Variants in AKIRIN1 observed in about 807,000 individuals in gnomAD.
AKIRIN1 encodes akirin 1.
AKIRIN1 carries 4 observed loss-of-function variants against 25.9 expected under a neutral mutation model. The observed-to-expected ratio is 0.15, with a 90% confidence interval of 0.08 to 0.35. AKIRIN1 has a LOEUF of 0.35. Ranked by LOEUF, AKIRIN1 falls within the 10% of genes least tolerant of loss-of-function variation. AKIRIN1 has a pLI of 1.00. For synonymous variants in AKIRIN1, 125 were observed against 105.1 expected (o/e 1.19, Z -1.16); for missense variants, 243 against 266.1 (o/e 0.91, Z 0.61).
Position 38,999,452 on chromosome 1 carries a change from A to C in AKIRIN1, c.361+1141A>C, listed in dbSNP as rs534177609. ...TAAATGCCACTGACTTGTTTGCTTT[A>C]AAGTGATTACTTTTATGTTACGTGA... On this transcript the variant is annotated intron_variant, in intron 2 of 4. Transcript: ENST00000432648. Among the ~76,000 whole-genome samples, 18 of 152,310 alleles carry C rather than the reference A, an allele frequency of 1.2e-4. No homozygotes were observed. The South Asian group carries it at 3.3e-3, about 28-fold the overall frequency.
chr1:38,991,561 C>A lies in AKIRIN1; in HGVS notation c.181C>A (p.Pro61Thr), dbSNP rs1557639946. Reference protein sequence around the residue: ...TQTPPQSLQQPAPPGSERRLP... With the variant: ...TQTPPQSLQQTAPPGSERRLP... ...GACCCCACCGCAGAGTCTGCAGCAG[C>A]CCGCCCCGCCCGGCAGCGAGCGGCG... The change falls in exon 1 of 5, where the codon CCC (proline) becomes ACC (threonine). Residue 61 changes from proline (P) to threonine (T), a missense_variant. Pro to Thr is a conservative substitution (Grantham distance 38). Around this residue, in one of 3 missense-constraint regions of AKIRIN1, gnomAD observed 190 missense variants for 174.4 expected, o/e 1.09. Transcript: ENST00000432648. The A allele has an allele frequency of 1.0e-5, 14 of 1,377,962 alleles. No homozygotes were observed. The highest frequency in any genetic ancestry group is 3.4e-5 in the Admixed American group (1 of 29,456). 85.4% of individuals were successfully genotyped at this position (1,377,962 alleles called of 1,614,324 possible). A position where few individuals can be genotyped will look rare whatever the true frequency, so the allele number is the denominator to read the frequency against.
chr1:38,998,321 C>T lies in AKIRIN1; in HGVS notation c.361+10C>T. ...GCACCTAGCTCTCCAGGTAAGCCCA[C>T]TTTGATCTGCAAAATTCGCATTAAG... On this transcript the variant is annotated intron_variant, in intron 2 of 4. Coordinates refer to ENST00000432648, the MANE Select transcript of AKIRIN1 (RefSeq NM_024595.3). The T allele has an allele frequency of 6.3e-7, 1 of 1,587,488 alleles. No homozygotes were observed. The highest frequency in any genetic ancestry group is 8.6e-7 in the Non-Finnish European group (1 of 1,167,528).
chr1:39,004,397 GTGT>G lies in AKIRIN1; in HGVS notation c.*343_*345del. ...TTCTGTAAGAAGTGCGTGTGAGAGT[GTGT>G]GTATATGTGTGTATGTGTATTTTAA... On this transcript the variant is annotated 3_prime_UTR_variant, in exon 5 of 5. Transcript: ENST00000432648. The G allele has an allele frequency of 4.6e-6, 2 of 433,050 alleles. No individual in the cohort carries two copies. The highest frequency in any genetic ancestry group is 8.5e-6 in the Non-Finnish European group (2 of 234,248). 26.8% of individuals were successfully genotyped at this position (433,050 alleles called of 1,614,324 possible).
rs1177169001 is a variant in AKIRIN1, at chr1:39,004,884, A to G, written c.*829A>G. On this transcript the variant is annotated 3_prime_UTR_variant, in exon 5 of 5. Coordinates refer to ENST00000432648, the MANE Select transcript of AKIRIN1 (RefSeq NM_024595.3). ...CTGAACCTCTAAAGGGAAAAGGTCT[A>G]CCCTGGAGCCAGGAGCATCAGGGTT... 6.6e-6 allele frequency: 1 copy of G among 152,478 alleles called. No individual in the cohort carries two copies. The highest frequency in any genetic ancestry group is 2.4e-5 in the African/African-American group (1 of 41,448). The allele number at this position is 152,478 out of a possible 1,614,324, so 9.4% of individuals were successfully genotyped here.
Position 39,005,178 on chromosome 1 carries a change from G to A in AKIRIN1, c.*1123G>A, listed in dbSNP as rs1644025094. 6.6e-6 allele frequency: 1 copy of A among 152,120 alleles called. No individual in the cohort carries two copies. Among genetic ancestry groups the A allele is most frequent in the Admixed American group, 6.6e-5 (1 of 15,236 alleles). The allele number at this position is 152,120 out of a possible 1,614,324, so 9.4% of individuals were successfully genotyped here. On this transcript the variant is annotated 3_prime_UTR_variant, in exon 5 of 5. Coordinates refer to ENST00000432648, the MANE Select transcript of AKIRIN1 (RefSeq NM_024595.3). ...ACAAAGTTAGCCGGGCGTGGTGGCAGGCGTCTGTAATCCCAGCTGCTTGGG... is the reference window on the plus strand; with the variant it reads ...ACAAAGTTAGCCGGGCGTGGTGGCAAGCGTCTGTAATCCCAGCTGCTTGGG...
Position 39,001,846 on chromosome 1 carries a change from A to C in AKIRIN1, c.496+740A>C, listed in dbSNP as rs115672432. ...GGTTGTGATACTGTACTAAACTCTC[A>C]ACAGGTGTTGTGGAAGAGTTCAGTA... is the stretch of plus-strand genomic sequence containing the variant. On this transcript the variant is annotated intron_variant, in intron 3 of 4. Coordinates refer to ENST00000432648, the MANE Select transcript of AKIRIN1 (RefSeq NM_024595.3). 2.4e-3 allele frequency among the ~76,000 whole-genome samples: 335 copies of C among 137,632 alleles called. 3 individuals are homozygous for C. Among genetic ancestry groups the C allele is most frequent in the African/African-American group, 9.0e-3 (329 of 36,534 alleles). The allele number at this position is 137,632 out of a possible 152,430, so 90.3% of individuals were successfully genotyped here. A position where few individuals can be genotyped will look rare whatever the true frequency, so the allele number is the denominator to read the frequency against.
At chr1:38,994,394 AG>A (rs1275320825) in intron 1 of AKIRIN1, among the ~76,000 whole-genome samples, 1 of 152,224 alleles carries the variant, frequency 6.6e-6, no homozygotes, top group Non-Finnish European at 1.5e-5. Flanking sequence ...ACATGGAAGA[AG>A]GGGGTTGCTG....
At chr1:38,992,748 AT>A (rs1201844705) in intron 1 of AKIRIN1, among the ~76,000 whole-genome samples, 2 of 151,704 alleles carry the variant, frequency 1.3e-5, no homozygotes, top group African/African-American at 2.4e-5. Context: ...TCTCTTACAC[AT>A]TTTTTTCAAA....
chr1:38,995,389 G>A (rs142659512), intron 1 of AKIRIN1, among the ~76,000 whole-genome samples: 13 of 152,246 alleles, frequency 8.5e-5, no homozygotes, highest in African/African-American at 1.9e-4. Flanking sequence ...AAAAAATCTG[G>A]CAGCACAACC....
intron 2 of AKIRIN1, among the ~76,000 whole-genome samples, chr1:38,999,867 T>C (rs1258066076): frequency 7.6e-6 from 1 of 131,534 alleles, no homozygotes; most frequent in Non-Finnish European, 1.8e-5. Flanking sequence ...TTTGTTTTTT[T>C]GTTTTTGTTT....
At chr1:38,995,768 C>CA (rs1462238807) in intron 1 of AKIRIN1, among the ~76,000 whole-genome samples, 2 of 152,210 alleles carry the variant, frequency 1.3e-5, no homozygotes, top group African/African-American at 2.4e-5. Flanking sequence ...AGCGGTGGCT[C>CA]ACGCCTGTAT....
Position 39,001,072 on chromosome 1 carries a change from G to A in AKIRIN1, c.462G>A (p.Glu154=), listed in dbSNP as rs757127954. The change falls in exon 3 of 5, where the codon GAG becomes GAA. Residue 154 remains glutamate, a synonymous_variant. Coordinates refer to ENST00000432648, the MANE Select transcript of AKIRIN1 (RefSeq NM_024595.3). ...LLKDYEDKIR[E]EYEQILNTKL... is the part of the protein sequence containing the mutation. Reference sequence around the variant, plus strand: ...AAGACTATGAAGATAAAATTCGGGAGGAGTATGAGCAAATCCTCAATACCA... The same window carrying A: ...AAGACTATGAAGATAAAATTCGGGAAGAGTATGAGCAAATCCTCAATACCA... 1.2e-6 allele frequency: 2 copies of A among 1,613,680 alleles called. No homozygotes were observed. Among genetic ancestry groups the A allele is most frequent in the Non-Finnish European group, 1.7e-6 (2 of 1,179,830 alleles).
intron 4 of AKIRIN1, 74 bp from the exon 5 acceptor site, chr1:39,003,971 G>A: frequency 7.4e-7 from 1 of 1,343,770 alleles, no homozygotes; most frequent in Non-Finnish European, 1.1e-6. Flanking sequence ...TTTACTGTTA[G>A]TGAAAATTTT....
At chr1:38,993,965 G>T (rs1290244054) in intron 1 of AKIRIN1, among the ~76,000 whole-genome samples, 13 of 151,798 alleles carry the variant, frequency 8.6e-5, no homozygotes, top group Non-Finnish European at 2.9e-5. Flanking sequence ...AGCTACTCGG[G>T]AGGTTGAGGC....
At chr1:39,001,924 G>A (rs546208358) in intron 3 of AKIRIN1, among the ~76,000 whole-genome samples, 46 of 152,260 alleles carry the variant, frequency 3.0e-4, no homozygotes, top group Middle Eastern at 6.8e-3. Context: ...TGGCGAGTTG[G>A]GTGTGATTTG....
chr1:39,003,992 C>T lies in AKIRIN1; in HGVS notation c.569-53C>T, dbSNP rs140922888. 1,023 of 1,516,962 alleles carry T rather than the reference C, an allele frequency of 6.7e-4. 3 individuals carry two copies. Among genetic ancestry groups the T allele is most frequent in the Middle Eastern group, 2.4e-3 (14 of 5,852 alleles). The allele number at this position is 1,516,962 out of a possible 1,614,324, so 94.0% of individuals were successfully genotyped here. A position where few individuals can be genotyped will look rare whatever the true frequency, so the allele number is the denominator to read the frequency against. On this transcript the variant is annotated intron_variant, in intron 4 of 4. Transcript: ENST00000432648. Reference sequence around the variant, plus strand: ...GTTAGTGAAAATTTTTAAAGCATGACACTACAGTTTTTAGTATTCTTACCC... The same window carrying T: ...GTTAGTGAAAATTTTTAAAGCATGATACTACAGTTTTTAGTATTCTTACCC...
chr1:39,003,237 G>T, intron 3 of AKIRIN1, 110 bp from the exon 4 acceptor site: 1 of 960,974 alleles, frequency 1.0e-6, no homozygotes, highest in Admixed American at 2.0e-5. Context: ...TATAAAGAGG[G>T]CCTGAGAGGG....
rs774847129 is a variant in AKIRIN1, at chr1:39,001,039, C to T, written c.429C>T (p.Arg143=). The change falls in exon 3 of 5, where the codon CGC becomes CGT. Residue 143 remains arginine, a synonymous_variant. Coordinates refer to ENST00000432648, the MANE Select transcript of AKIRIN1 (RefSeq NM_024595.3). The stretch of plus-strand genomic sequence containing the variant: ...GACAAGTTGGCATAATATGTGAGCG[C>T]CTCTTAAAAGACTATGAAGATAAAA... The part of the protein sequence containing the change: ...TLRQVGIICE[R]LLKDYEDKIR... The T allele has an allele frequency of 3.0e-5, 48 of 1,613,906 alleles. No homozygotes were observed. The highest frequency in any genetic ancestry group is 3.9e-5 in the Non-Finnish European group (46 of 1,179,940).
intron 3 of AKIRIN1, 83 bp from the exon 4 acceptor site, chr1:39,003,264 G>A: frequency 7.6e-7 from 1 of 1,319,718 alleles, no homozygotes; most frequent in East Asian, 2.3e-5. Context: ...ATTCAAACTG[G>A]GAAGCTATTT....
Sources: gnomAD v4.1 joint callset for allele counts (sites outside exome capture counted in the v4.1 genomes callset) on GRCh38, gnomAD v4.1.1 for gene constraint, gnomAD v4.1.1 regional missense constraint, MANE v1.5 for transcripts, NCBI Gene and HGNC (gene_info 2026-07-23, HGNC 2026-07-21) for gene names.